SEPTIN6: variants seen among roughly 807,000 people sequenced by gnomAD.
SEPTIN6 encodes septin 6, also known as septin-6.
A neutral mutation model predicts 33.6 loss-of-function variants in SEPTIN6; 8 were observed. The observed-to-expected ratio is 0.24, with a 90% CI of 0.14 to 0.43. The LOEUF is 0.43. Ranked by LOEUF, SEPTIN6 falls within the 20% of genes least tolerant of loss-of-function variation. SEPTIN6 has a pLI of 1.00. For synonymous variants in SEPTIN6, 131 were observed against 140.0 expected (o/e 0.94, Z 0.45); for missense variants, 250 against 340.8 (o/e 0.73, Z 2.10).
intron 4 of SEPTIN6, 101 bp from the exon 5 acceptor site, chrX:119,650,199 C>G: frequency 1.2e-6 from 1 of 855,481 alleles, no homozygotes; most frequent in East Asian, 3.1e-5. Context: ...GCCGCTCAGC[C>G]CAGTGGTCAA....
intron 3 of SEPTIN6, among the ~76,000 whole-genome samples, chrX:119,656,511 TG>T (rs1458345888): frequency 1.8e-5 from 2 of 112,099 alleles, no homozygotes; most frequent in Non-Finnish European, 3.8e-5. Flanking sequence ...AGGTGGGACT[TG>T]GTGAACCCAG....
intron 1 of SEPTIN6, among the ~76,000 whole-genome samples, chrX:119,690,258 C>T (rs901160768): frequency 9.1e-6 from 1 of 109,867 alleles, no homozygotes; most frequent in Admixed American, 9.8e-5. Flanking sequence ...TACCCAACAA[C>T]TTGAAGGCTT....
chrX:119,685,938 G>A (rs1166936850), intron 1 of SEPTIN6, among the ~76,000 whole-genome samples: 1 of 111,160 alleles, frequency 9.0e-6, no homozygotes, highest in Non-Finnish European at 1.9e-5. Context: ...CTGGCCAGCT[G>A]CCCAGTTCTG....
chrX:119,624,163 T>G (rs1021580689), intron 10 of SEPTIN6: 48 of 244,439 alleles, frequency 2.0e-4, no homozygotes, highest in South Asian at 5.7e-4. Context: ...TTTTGTTTTT[T>G]TTTTTGTTTG....
At position 119,637,176 on chromosome X, in the gene SEPTIN6, G is replaced by A. The variant is rs1281523944; in HGVS notation, c.807C>T (p.Cys269=). The change falls in exon 7 of 11, where the codon TGC becomes TGT. Residue 269 remains cysteine, a synonymous_variant. Transcript: ENST00000394610. ...GTVQVENEAH[C]DFVKLREMLI... is the part of the protein sequence containing the mutation. ...GCATCTCCCGCAGCTTCACAAAGTC[G>A]CAGTGGGCCTCGTTTTCAACTGCAT... The A allele has an allele frequency of 8.3e-6, 10 of 1,209,644 alleles. No homozygotes were observed. The highest frequency in any genetic ancestry group is 2.3e-4 in the Middle Eastern group (1 of 4,368).
At chrX:119,682,094 C>T (rs1603351553) in intron 1 of SEPTIN6, among the ~76,000 whole-genome samples, 1 of 110,841 alleles carries the variant, frequency 9.0e-6, no homozygotes, top group Non-Finnish European at 1.9e-5. Flanking sequence ...ACAATATGAG[C>T]CCATATATGC....
intron 1 of SEPTIN6, chrX:119,686,561 C>T: frequency 1.1e-6 from 1 of 951,451 alleles, no homozygotes; most frequent in Non-Finnish European, 1.4e-6. Flanking sequence ...ATTTCTCACC[C>T]TCCTGAGCAT....
intron 2 of SEPTIN6, among the ~76,000 whole-genome samples, chrX:119,672,193 G>A (rs2054760759): frequency 8.9e-6 from 1 of 111,749 alleles, no homozygotes; most frequent in South Asian, 3.7e-4. Flanking sequence ...GCCATTTCCT[G>A]AAACTTGACA....
chrX:119,681,737 G>A (rs148113130), intron 1 of SEPTIN6, among the ~76,000 whole-genome samples: 2,241 of 112,026 alleles, frequency 0.02, 41 homozygotes, highest in South Asian at 0.15. Flanking sequence ...GTTATAGGGC[G>A]ACTGTAATAA....
chrX:119,679,595 C>CA (rs2054912114), intron 1 of SEPTIN6, among the ~76,000 whole-genome samples: 1 of 111,715 alleles, frequency 9.0e-6, no homozygotes, highest in Non-Finnish European at 1.9e-5. Flanking sequence ...AGCAGTGGCT[C>CA]ACGCCTGTAA....
chrX:119,628,309 C>T (rs1333631722), intron 9 of SEPTIN6, among the ~76,000 whole-genome samples: 25 of 104,702 alleles, frequency 2.4e-4, no homozygotes, highest in Non-Finnish European at 3.1e-4. Flanking sequence ...GATGGAGTCT[C>T]GCTCTGTCGC....
chrX:119,673,917 A>G (rs2054796839), intron 2 of SEPTIN6, among the ~76,000 whole-genome samples: 1 of 110,452 alleles, frequency 9.1e-6, no homozygotes, highest in African/African-American at 3.3e-5. Context: ...ATTAAAGTGT[A>G]AAATATCCAA....
intron 10 of SEPTIN6, among the ~76,000 whole-genome samples, chrX:119,620,864 C>T (rs2053746480): frequency 9.3e-6 from 1 of 107,884 alleles, no homozygotes; most frequent in African/African-American, 3.4e-5. Context: ...TCAAGTGATC[C>T]ACCCGCCTCA....
chrX:119,673,841 C>CAAAAAAAAAAAAAA (rs774954935), intron 2 of SEPTIN6, among the ~76,000 whole-genome samples: 1 of 38,154 alleles, frequency 2.6e-5, no homozygotes, highest in Admixed American at 3.0e-4. Context: ...GACTCTGTCT[C>CAAAAAAAAAAAAAA]AAAAAAAAAA....
At position 119,640,771 on chromosome X, in the gene SEPTIN6, A is replaced by G; in HGVS notation, c.708T>C (p.Ala236=). 9 of 1,209,522 alleles carry G rather than the reference A, an allele frequency of 7.4e-6. No homozygotes were observed. Among genetic ancestry groups the G allele is most frequent in the Non-Finnish European group, 1.0e-5 (9 of 893,833 alleles). ...TCAGTTCTTCTGTGCTGCCAATGAC[A>G]GCAAACGGCAGGTGGGCCTGAAACC... ...NGTMNAHLPF[A]VIGSTEELKI... is the part of the protein sequence containing the mutation. The change falls in exon 6 of 11, where the codon GCT becomes GCC. Residue 236 remains alanine (A), a synonymous_variant. Transcript: ENST00000394610.
chrX:119,686,522 G>A, intron 1 of SEPTIN6: 1 of 794,757 alleles, frequency 1.3e-6, no homozygotes, highest in Non-Finnish European at 1.7e-6. Context: ...TGCCTCTAAT[G>A]AGAAGACACT....
intron 1 of SEPTIN6, among the ~76,000 whole-genome samples, chrX:119,689,284 A>G (rs925523420): frequency 8.9e-6 from 1 of 111,995 alleles, no homozygotes; most frequent in African/African-American, 3.2e-5. Context: ...CAGCACATGC[A>G]GCTTTTGGGG....
intron 2 of SEPTIN6, among the ~76,000 whole-genome samples, chrX:119,671,188 A>G (rs1034570491): frequency 1.8e-5 from 2 of 111,569 alleles, no homozygotes; most frequent in Non-Finnish European, 3.8e-5. Flanking sequence ...GCTCATGCCC[A>G]TAATTCCAGG....
At chrX:119,642,571 G>A (rs113560498) in intron 5 of SEPTIN6, among the ~76,000 whole-genome samples, 2 of 110,688 alleles carry the variant, frequency 1.8e-5, no homozygotes, top group Admixed American at 9.7e-5. Context: ...GATGAGGTGC[G>A]TACTCTAAAC....
Sources: gnomAD v4.1 joint callset for allele counts (sites outside exome capture counted in the v4.1 genomes callset) on GRCh38, gnomAD v4.1.1 for gene constraint, MANE v1.5 for transcripts, NCBI Gene and HGNC (gene_info 2026-07-23, HGNC 2026-07-21) for gene names.